Variants in GPAT4 observed in about 807,000 individuals in gnomAD.
The protein encoded by GPAT4 is glycerol-3-phosphate acyltransferase 4, also known as 1-AGP acyltransferase 6.
GPAT4 carries 17 observed loss-of-function variants against 58.0 expected under a neutral mutation model. The ratio of observed to expected loss-of-function variants is 0.29; its 90% CI spans 0.20 to 0.44. The LOEUF (loss-of-function observed/expected upper bound fraction) is 0.44, where lower values mean the gene tolerates loss of function less well. Ranked by LOEUF, GPAT4 falls within the 20% of genes least tolerant of loss-of-function variation. The pLI is 1.00. For missense variants in GPAT4, 377 were observed against 574.5 expected, an observed-to-expected ratio of 0.66 and a Z score of 3.51; for synonymous variants, 204 against 210.1, an observed-to-expected ratio of 0.97 and a Z score of 0.25.
intron 1 of GPAT4, among the ~76,000 whole-genome samples, chr8:41,579,824 C>T (rs1417961223): frequency 6.6e-6 from 1 of 151,098 alleles, no homozygotes; most frequent in Non-Finnish European, 1.5e-5. Flanking sequence ...GGCGACAGAG[C>T]GAGACTCGTG....
rs977640795 is a variant in GPAT4 at position 41,596,854 on chromosome 8, C to G, written c.-848-1438C>G. On this transcript the variant is annotated intron_variant, in intron 1 of 12. Coordinates refer to ENST00000396987, the MANE Select transcript of GPAT4 (RefSeq NM_178819.4). ...TCAGCTGGGAGCATCAGTGGACTCA[C>G]GTCTTCAAAAACCGAGCTCCCCGAG... 2.6e-5 allele frequency among the ~76,000 whole-genome samples: 4 copies of G among 152,152 alleles called. No homozygotes were observed. The East Asian group carries it at 7.7e-4, about 29-fold the overall frequency.
At position 41,611,555 on chromosome 8, in the gene GPAT4, T is replaced by C. The variant is rs148123056; in HGVS notation, c.612-348T>C. Among the ~76,000 whole-genome samples, 153 of 152,330 alleles carry C rather than the reference T, an allele frequency of 1.0e-3. 2 individuals carry two copies. Among genetic ancestry groups the C allele is most frequent in the African/African-American group, 3.3e-3 (138 of 41,570 alleles). ...GGAAGTTCTGGGGTTTAGAAACCTT[T>C]CTTCTGCCTGGGCGGGTGAGGAGGT... On this transcript the variant is annotated intron_variant, in intron 5 of 12. Transcript: ENST00000396987.
Position 41,618,994 on chromosome 8 carries a change from G to C in GPAT4, c.1262+17G>C. On this transcript the variant is annotated intron_variant, in intron 12 of 12. Transcript: ENST00000396987. The stretch of plus-strand genomic sequence containing the variant: ...CCTGCTGTGGTAAGTTTAGAGCCAG[G>C]CCTTTTCAGCTGAGTTTCTGCAGCA... The C allele has an allele frequency of 6.2e-7, 1 of 1,614,072 alleles. No homozygotes were observed. Among genetic ancestry groups the C allele is most frequent in the Non-Finnish European group, 8.5e-7 (1 of 1,179,932 alleles).
At chr8:41,586,940 C>G (rs1037743508) in intron 1 of GPAT4, among the ~76,000 whole-genome samples, 1 of 152,220 alleles carries the variant, frequency 6.6e-6, no homozygotes, top group Non-Finnish European at 1.5e-5. Flanking sequence ...TTTATTTCAT[C>G]TGGGCTGAGG....
At chr8:41,582,744 G>T (rs1353008940) in intron 1 of GPAT4, among the ~76,000 whole-genome samples, 1 of 151,656 alleles carries the variant, frequency 6.6e-6, no homozygotes, top group Non-Finnish European at 1.5e-5. Flanking sequence ...GTAAAATTAT[G>T]TATCAATTTT....
Position 41,596,128 on chromosome 8 carries a change from C to A in GPAT4, c.-848-2164C>A, listed in dbSNP as rs1802924782. Among the ~76,000 whole-genome samples, 5 of 152,254 alleles carry A rather than the reference C, an allele frequency of 3.3e-5. No homozygotes were observed. The South Asian group carries it at 1.0e-3, about 32-fold the overall frequency. Reference sequence around the variant, plus strand: ...TTAGAACACAAAGTTCTAAGTTTTCCTGGTATCATAGTAATGCCGTAATCT... The same window carrying A: ...TTAGAACACAAAGTTCTAAGTTTTCATGGTATCATAGTAATGCCGTAATCT... On this transcript the variant is annotated intron_variant, in intron 1 of 12. Coordinates refer to ENST00000396987, the MANE Select transcript of GPAT4 (RefSeq NM_178819.4).
chr8:41,616,977 C>G (rs1462599212), intron 10 of GPAT4, among the ~76,000 whole-genome samples: 1 of 152,194 alleles, frequency 6.6e-6, no homozygotes, highest in Non-Finnish European at 1.5e-5. Context: ...TCCACACACA[C>G]TGCCCAGTGT....
chr8:41,623,922 T>G lies in GPAT4; in HGVS notation c.*2921T>G, dbSNP rs1803834791. On this transcript the variant is annotated 3_prime_UTR_variant, in exon 13 of 13. Transcript: ENST00000396987. Reference sequence around the variant, plus strand: ...GCACAATCTCAGCTCCACTGCAACCTCTACCTCCCGGGTTCAAGTGATTCT... The same window carrying G: ...GCACAATCTCAGCTCCACTGCAACCGCTACCTCCCGGGTTCAAGTGATTCT... 6.6e-6 allele frequency: 1 copy of G among 152,150 alleles called. No individual in the cohort carries two copies. Among genetic ancestry groups the G allele is most frequent in the Admixed American group, 6.6e-5 (1 of 15,266 alleles). 9.4% of individuals were successfully genotyped at this position (152,150 alleles called of 1,614,324 possible).
chr8:41,592,036 G>C (rs1310209325), intron 1 of GPAT4, among the ~76,000 whole-genome samples: 5 of 152,190 alleles, frequency 3.3e-5, no homozygotes, highest in African/African-American at 9.7e-5. Context: ...GAGCCATCTT[G>C]TGCCCAATTA....
rs184234552 is a variant in GPAT4, at chr8:41,592,055, A to G, written c.-848-6237A>G. 7.7e-4 allele frequency among the ~76,000 whole-genome samples: 118 copies of G among 152,354 alleles called. No individual in the cohort carries two copies. The East Asian group carries it at 0.017, about 22-fold the overall frequency. ...CATCTTGTGCCCAATTAGCAGGCCC[A>G]TAATATGGTATGATTCTCTTAGGGG... On this transcript the variant is annotated intron_variant, in intron 1 of 12. Coordinates refer to ENST00000396987, the MANE Select transcript of GPAT4 (RefSeq NM_178819.4).
intron 4 of GPAT4, 27 bp downstream of exon 4, chr8:41,609,982 C>A: frequency 6.4e-7 from 1 of 1,567,970 alleles, no homozygotes. Context: ...GGGAGTGGGG[C>A]TCGCTGCTGC....
chr8:41,624,446 T>A lies in GPAT4; in HGVS notation c.*3445T>A, dbSNP rs1386362974. ...TCCTGGAATTGGCCAGGAACTTGAT[T>A]TTCTGGGCTATTGCTTGCTAGTGTC... On this transcript the variant is annotated 3_prime_UTR_variant, in exon 13 of 13. Transcript: ENST00000396987. The A allele has an allele frequency of 5.9e-5, 9 of 152,302 alleles. No homozygotes were observed. The highest frequency in any genetic ancestry group is 8.8e-5 in the Non-Finnish European group (6 of 68,046). 9.4% of individuals were successfully genotyped at this position (152,302 alleles called of 1,614,324 possible).
At chr8:41,607,575 A>T (rs1803316358) in intron 2 of GPAT4, among the ~76,000 whole-genome samples, 1 of 141,406 alleles carries the variant, frequency 7.1e-6, no homozygotes, top group Non-Finnish European at 1.5e-5. Context: ...GTCTTGCTGT[A>T]TCTCCCAGGC....
rs144629911 is a variant in GPAT4 at position 41,595,434 on chromosome 8, G to A, written c.-848-2858G>A. ...GTTATTTTTCTACTTTCTTCTGTTA[G>A]CAAAGCAGTTGCCACTACAGATTGA... is the stretch of plus-strand genomic sequence containing the variant. On this transcript the variant is annotated intron_variant, in intron 1 of 12. Transcript: ENST00000396987. 5.4e-3 allele frequency among the ~76,000 whole-genome samples: 789 copies of A among 145,202 alleles called. 7 individuals carry two copies. Among genetic ancestry groups the A allele is most frequent in the East Asian group, 0.035 (168 of 4,780 alleles).
chr8:41,602,115 C>T (rs557883228), intron 2 of GPAT4, among the ~76,000 whole-genome samples: 5 of 152,232 alleles, frequency 3.3e-5, no homozygotes, highest in African/African-American at 9.6e-5. Context: ...CCATCACACC[C>T]GGCTAATTTT....
At chr8:41,582,154 C>G (rs146547696) in intron 1 of GPAT4, among the ~76,000 whole-genome samples, 4,014 of 151,596 alleles carry the variant, frequency 0.026, 81 homozygotes, top group Non-Finnish European at 0.04. Context: ...CAGGCATGCG[C>G]CACCACGCCC....
At chr8:41,599,387 A>T (rs1238426826) in intron 2 of GPAT4, 83 bp downstream of exon 2, 2 of 1,491,894 alleles carry the variant, frequency 1.3e-6, no homozygotes, top group African/African-American at 1.4e-5. Flanking sequence ...CAGGCCTATT[A>T]TCTCTTTATT....
intron 1 of GPAT4, chr8:41,584,860 G>GGC (rs1358912441): frequency 6.6e-6 from 1 of 152,098 alleles, no homozygotes; most frequent in African/African-American, 2.4e-5. Flanking sequence ...AGTTCTGGAG[G>GGC]GCATAATGAT....
At position 41,612,887 on chromosome 8, in the gene GPAT4, G is replaced by A; in HGVS notation, c.838G>A (p.Ala280Thr). 1 of 1,614,118 alleles carries A rather than the reference G, an allele frequency of 6.2e-7. No homozygotes were observed. The highest frequency in any genetic ancestry group is 1.1e-5 in the South Asian group (1 of 91,082). Reference protein sequence around the residue: ...HGGLMGVIQRAMVKACPHVWF... With the variant: ...HGGLMGVIQRTMVKACPHVWF... ...GGGACTCATGGGTGTGATTCAGAGA[G>A]CCATGGTGAAGGCCTGCCCACACGT... Residue 280 changes from alanine to threonine, a missense_variant, in exon 8 of 13, where the codon GCC (alanine) becomes ACC (threonine). Physicochemically the swap from Ala to Thr is moderately conservative, Grantham distance 58. Coordinates refer to ENST00000396987, the MANE Select transcript of GPAT4 (RefSeq NM_178819.4).
Sources: allele counts gnomAD v4.1 joint callset (sites outside exome capture counted in the v4.1 genomes callset), GRCh38; gene constraint gnomAD v4.1.1; transcripts MANE v1.5; gene names NCBI Gene and HGNC (gene_info 2026-07-23, HGNC 2026-07-21).